The following MAML2 variants were observed in gnomAD, a reference collection of about 807,000 sequenced individuals.
MAML2 encodes mastermind like transcriptional coactivator 2, also known as mastermind-like protein 2.
In MAML2, 22 loss-of-function variants were observed where a neutral mutation model predicts 96.1. That is an observed-to-expected ratio of 0.23 (90% confidence interval 0.16 to 0.33). The LOEUF is 0.33. Ranked by LOEUF, MAML2 falls within the 10% of genes least tolerant of loss-of-function variation. The pLI, the probability that MAML2 is intolerant of heterozygous loss-of-function variation, is 1.00. For missense variants in MAML2, 1,367 were observed against 1,392.4 expected (o/e 0.98, Z 0.29); for synonymous variants, 561 against 521.3 (o/e 1.08, Z -1.04).
At chr11:96,088,818 A>G (rs539183707) in intron 2 of MAML2, among the ~76,000 whole-genome samples, 1 of 152,300 alleles carries the variant, frequency 6.6e-6, no homozygotes, top group African/African-American at 2.4e-5. Flanking sequence ...GAGAAGGGGC[A>G]CAGGAATTGC....
At chr11:96,313,847 C>G (rs995184718) in intron 1 of MAML2, among the ~76,000 whole-genome samples, 1 of 152,152 alleles carries the variant, frequency 6.6e-6, no homozygotes. Context: ...TAGGGTTTTA[C>G]AGCAGAAATT....
intron 1 of MAML2, among the ~76,000 whole-genome samples, chr11:96,199,909 G>A (rs530787665): frequency 6.6e-6 from 1 of 152,128 alleles, no homozygotes; most frequent in Admixed American, 6.5e-5. Context: ...CAATTTGGAC[G>A]AATGCCAAAA....
At chr11:96,202,275 C>T (rs1428035210) in intron 1 of MAML2, among the ~76,000 whole-genome samples, 4 of 142,498 alleles carry the variant, frequency 2.8e-5, no homozygotes, top group Non-Finnish European at 6.1e-5. Context: ...GGTGTGAACC[C>T]GGGAGGTGGA....
At chr11:96,071,990 A>G (rs1460169170) in intron 2 of MAML2, among the ~76,000 whole-genome samples, 2 of 152,240 alleles carry the variant, frequency 1.3e-5, no homozygotes, top group East Asian at 3.8e-4. Flanking sequence ...CAAATATACC[A>G]TAAATCCTCA....
chr11:96,170,864 G>A (rs182578280), intron 1 of MAML2, among the ~76,000 whole-genome samples: 46 of 152,186 alleles, frequency 3.0e-4, no homozygotes, highest in African/African-American at 5.8e-4. Context: ...ACAGGTGACC[G>A]CCACCACACC....
chr11:95,980,102 A>G, intron 4 of MAML2, 139 bp from the exon 5 acceptor site: 2 of 697,282 alleles, frequency 2.9e-6, no homozygotes, highest in Non-Finnish European at 2.4e-6. Context: ...AATAAATTAT[A>G]TAAAAGGAAC....
chr11:96,245,319 A>T (rs1385128242), intron 1 of MAML2, among the ~76,000 whole-genome samples: 2 of 151,120 alleles, frequency 1.3e-5, no homozygotes, highest in Non-Finnish European at 1.5e-5. Context: ...TTCACCCTAG[A>T]TAGGATATGA....
At chr11:96,051,160 C>G (rs1294261699) in intron 2 of MAML2, among the ~76,000 whole-genome samples, 1 of 152,148 alleles carries the variant, frequency 6.6e-6, no homozygotes, top group African/African-American at 2.4e-5. Context: ...ATTAATTCAT[C>G]CATCCATCTA....
intron 1 of MAML2, among the ~76,000 whole-genome samples, chr11:96,276,338 T>C (rs1393064253): frequency 6.6e-6 from 1 of 152,110 alleles, no homozygotes; most frequent in Non-Finnish European, 1.5e-5. Context: ...CCTTGCCATC[T>C]CTCTCTCTTG....
chr11:96,255,931 T>C (rs1241617538), intron 1 of MAML2, among the ~76,000 whole-genome samples: 1 of 137,586 alleles, frequency 7.3e-6, no homozygotes, highest in African/African-American at 2.7e-5. Context: ...TGAAGTGCAA[T>C]GGCGCGATCT....
At chr11:96,186,553 C>T (rs966495519) in intron 1 of MAML2, among the ~76,000 whole-genome samples, 3 of 152,096 alleles carry the variant, frequency 2.0e-5, no homozygotes, top group Non-Finnish European at 4.4e-5. Flanking sequence ...TGTGCCATTG[C>T]ACTCCAGCCT....
chr11:96,233,881 G>C (rs1862330583), intron 1 of MAML2, among the ~76,000 whole-genome samples: 1 of 152,174 alleles, frequency 6.6e-6, no homozygotes, highest in Non-Finnish European at 1.5e-5. Context: ...AGATGAAACA[G>C]AAGAAGCGAA....
chr11:96,045,742 C>T (rs1403687515), intron 2 of MAML2, among the ~76,000 whole-genome samples: 1 of 152,124 alleles, frequency 6.6e-6, no homozygotes, highest in Non-Finnish European at 1.5e-5. Flanking sequence ...GAATACCCTC[C>T]AAGTGGATGA....
At chr11:96,027,976 C>T (rs1858551365) in intron 2 of MAML2, among the ~76,000 whole-genome samples, 1 of 152,124 alleles carries the variant, frequency 6.6e-6, no homozygotes, top group South Asian at 2.1e-4. Context: ...AAGTGATCTG[C>T]CTGCCTTGGC....
Position 96,092,777 on chromosome 11 carries a change from G to A in MAML2, c.1254C>T (p.Ser418=), listed in dbSNP as rs58982358. The A allele has an allele frequency of 2.8e-5, 45 of 1,612,970 alleles. No individual in the cohort carries two copies. Among genetic ancestry groups the A allele is most frequent in the African/African-American group, 1.2e-4 (9 of 74,968 alleles). The part of the protein sequence containing the change: ...PQSQAQPQTG[S]GASRALPSWQ... ...AGCTTGGCAAGGCCCGGCTTGCTCC[G>A]GAGCCTGTCTGAGGCTGAGCCTGGC... is the stretch of plus-strand genomic sequence containing the variant. The change falls in exon 2 of 5, where the codon TCC becomes TCT. Residue 418 remains serine (S), a synonymous_variant. Coordinates refer to ENST00000524717, the MANE Select transcript of MAML2 (RefSeq NM_032427.4). This position sits in a 1 kb window ranked among gnomAD's most constrained non-coding sequence, Gnocchi z 4.1.
At chr11:96,163,451 A>G (rs1353154336) in intron 1 of MAML2, among the ~76,000 whole-genome samples, 1 of 152,204 alleles carries the variant, frequency 6.6e-6, no homozygotes, top group African/African-American at 2.4e-5. Context: ...ATAAGCTCTT[A>G]TTATCTTCAC....
intron 2 of MAML2, among the ~76,000 whole-genome samples, chr11:96,073,020 T>C (rs1859371499): frequency 6.6e-6 from 1 of 152,228 alleles, no homozygotes; most frequent in Non-Finnish European, 1.5e-5. Context: ...ATTTCCAATC[T>C]GTGAGGACTT....
intron 2 of MAML2, among the ~76,000 whole-genome samples, chr11:96,044,727 T>C (rs571364046): frequency 1.3e-5 from 2 of 152,310 alleles, no homozygotes; most frequent in African/African-American, 2.4e-5. Context: ...AAGAGGTCCA[T>C]TGGCAAGTTT....
intron 1 of MAML2, among the ~76,000 whole-genome samples, chr11:96,173,734 G>A (rs1257331158): frequency 6.6e-6 from 1 of 152,214 alleles, no homozygotes; most frequent in Admixed American, 6.5e-5. Flanking sequence ...GGTAAGGACA[G>A]GGACTTCTTT....
Sources: gnomAD v4.1 joint callset for allele counts (sites outside exome capture counted in the v4.1 genomes callset) on GRCh38, gnomAD v4.1.1 for gene constraint, Gnocchi (gnomAD v3.1) non-coding constraint, MANE v1.5 for transcripts, NCBI Gene and HGNC (gene_info 2026-07-23, HGNC 2026-07-21) for gene names.